Variants in SFMBT1 observed in about 807,000 individuals in gnomAD.
SFMBT1 encodes Scm like with four mbt domains 1.
In SFMBT1, 32 loss-of-function variants were observed where a neutral mutation model predicts 108.7. The observed-to-expected ratio is 0.29, with a 90% CI of 0.22 to 0.40. The LOEUF (loss-of-function observed/expected upper bound fraction) is 0.40. Among genes scored for constraint, SFMBT1 ranks in the 10% least tolerant of loss-of-function variants. The probability of loss-of-function intolerance (pLI) is 1.00; values close to 1 mark genes in which losing one functional copy is unlikely to be tolerated. For missense variants in SFMBT1, 816 were observed against 1,059.6 expected (o/e 0.77, Z 3.19); for synonymous variants, 348 against 369.5 (o/e 0.94, Z 0.67).
Position 53,013,196 on chromosome 3 carries a change from C to T in SFMBT1, c.-131+32620G>A, listed in dbSNP as rs561959289. Among the ~76,000 whole-genome samples, 113 of 151,684 alleles carry T rather than the reference C, an allele frequency of 7.4e-4. 6 individuals are homozygous for T. Among genetic ancestry groups the T allele is most frequent in the African/African-American group, 2.7e-3 (110 of 40,998 alleles). On this transcript the variant is annotated intron_variant, in intron 1 of 20. Transcript: ENST00000394752. ...TTTCATCAATATTTCCAGTGATGGG[C>T]TCTAAGTTGAGATAGTACAATTCAT...
At chr3:52,929,709 C>T (rs1038830673) in intron 8 of SFMBT1, among the ~76,000 whole-genome samples, 1 of 152,220 alleles carries the variant, frequency 6.6e-6, no homozygotes, top group Non-Finnish European at 1.5e-5. Flanking sequence ...ATTTAGCACC[C>T]AGGCAACTAT....
At chr3:52,931,334 T>C (rs1041142106) in intron 6 of SFMBT1, among the ~76,000 whole-genome samples, 2 of 152,280 alleles carry the variant, frequency 1.3e-5, no homozygotes, top group Middle Eastern at 3.4e-3. Flanking sequence ...TAAATGCAAA[T>C]TGATTTAAAC....
intron 10 of SFMBT1, among the ~76,000 whole-genome samples, 190 bp from the exon 11 acceptor site, chr3:52,922,021 G>A (rs1702534580): frequency 6.6e-6 from 1 of 152,164 alleles, no homozygotes; most frequent in Non-Finnish European, 1.5e-5. Context: ...GAAGTATACA[G>A]GAAGTACACT....
intron 3 of SFMBT1, among the ~76,000 whole-genome samples, chr3:52,949,418 G>C (rs6445550): frequency 4.0e-5 from 6 of 151,800 alleles, no homozygotes; most frequent in Non-Finnish European, 7.4e-5. Context: ...TGAATTTCCC[G>C]ACTAATAATA....
At chr3:52,915,773 C>T (rs1222566970) in intron 14 of SFMBT1, among the ~76,000 whole-genome samples, 2 of 152,014 alleles carry the variant, frequency 1.3e-5, no homozygotes, top group African/African-American at 4.8e-5. Flanking sequence ...ACAAAGTATG[C>T]ATATCATAAA....
At chr3:52,954,034 A>T (rs914680401) in intron 3 of SFMBT1, among the ~76,000 whole-genome samples, 1 of 152,168 alleles carries the variant, frequency 6.6e-6, no homozygotes, top group Non-Finnish European at 1.5e-5. Flanking sequence ...CTGAGGCAGG[A>T]GAATGGCGTG....
chr3:52,930,346 G>A lies in SFMBT1; in HGVS notation c.880C>T (p.Pro294Ser), dbSNP rs761123540. The A allele has an allele frequency of 1.2e-6, 2 of 1,603,570 alleles. No homozygotes were observed. Among genetic ancestry groups the A allele is most frequent in the Admixed American group, 1.7e-5 (1 of 60,022 alleles). Residue 294 changes from proline to serine, a missense_variant, in exon 8 of 21, where the codon CCT (proline) becomes TCT (serine). Pro to Ser is a moderately conservative substitution (Grantham distance 74, BLOSUM62 -1). Coordinates refer to ENST00000394752, the MANE Select transcript of SFMBT1 (RefSeq NM_016329.4). The stretch of plus-strand genomic sequence containing the variant: ...CATTTTACCTTAACAACTGTAGCAG[G>A]AGAGATCCCAAAAGGAGACCAGGGG... The part of the protein sequence containing the change: ...VDPWSPFGIS[P>S]ATVVKVFDEK...
In SFMBT1 at chr3:52,926,040, G is replaced by A. The variant is rs1702647957; in HGVS notation, c.1122C>T (p.Cys374=). The change falls in exon 10 of 21, where the codon TGC becomes TGT. Residue 374 remains cysteine (C), a synonymous_variant. Transcript: ENST00000394752. The part of the protein sequence containing the change: ...QCGAEAAPQR[C]FPPLISEHEF... ...CCGTGGGGGTCCTCACCGGAGGGAA[G>A]CACCTCTGGGGAGCAGCTTCAGCAC... is the stretch of plus-strand genomic sequence containing the variant. 1 of 1,606,084 alleles carries A rather than the reference G, an allele frequency of 6.2e-7. No homozygotes were observed. The highest frequency in any genetic ancestry group is 1.3e-5 in the African/African-American group (1 of 74,346).
At chr3:53,020,057 A>G (rs1401279410) in intron 1 of SFMBT1, among the ~76,000 whole-genome samples, 1 of 151,988 alleles carries the variant, frequency 6.6e-6, no homozygotes, top group Non-Finnish European at 1.5e-5. Flanking sequence ...GTCTAAAACC[A>G]GTACATAAAG....
intron 1 of SFMBT1, chr3:53,019,185 T>C (rs112299677): frequency 1.3e-5 from 2 of 152,214 alleles, no homozygotes; most frequent in African/African-American, 4.8e-5. Context: ...CCCCAGCTAC[T>C]GGGGAGGCTG....
chr3:53,039,875 C>T (rs1388428087), intron 1 of SFMBT1, among the ~76,000 whole-genome samples: 5 of 152,124 alleles, frequency 3.3e-5, no homozygotes, highest in Non-Finnish European at 7.4e-5. Context: ...AGGTTTGTTA[C>T]ATATAAACAT....
intron 18 of SFMBT1, 103 bp downstream of exon 18, chr3:52,907,452 C>T: frequency 6.6e-7 from 1 of 1,520,154 alleles, no homozygotes; most frequent in Non-Finnish European, 8.8e-7. Flanking sequence ...CTTCTATTGG[C>T]CAGAGATCTG....
At chr3:53,001,560 C>G (rs1230263985) in intron 1 of SFMBT1, among the ~76,000 whole-genome samples, 1 of 149,760 alleles carries the variant, frequency 6.7e-6, no homozygotes, top group Non-Finnish European at 1.5e-5. Context: ...ACTGTGCTCC[C>G]ACCAGCAAGC....
chr3:52,928,575 TATATATACATATATAC>T (rs1194103259), intron 8 of SFMBT1: 2 of 190,580 alleles, frequency 1.0e-5, no homozygotes, highest in South Asian at 7.9e-5. Flanking sequence ...TACATATACA[TATATATACATATATAC>T]ATATATATAC....
At chr3:52,954,041 C>T (rs1330264251) in intron 3 of SFMBT1, among the ~76,000 whole-genome samples, 2 of 151,958 alleles carry the variant, frequency 1.3e-5, no homozygotes, top group East Asian at 1.9e-4. Flanking sequence ...AGGAGAATGG[C>T]GTGAACCCGG....
chr3:52,999,769 T>G (rs1451811240), intron 1 of SFMBT1, among the ~76,000 whole-genome samples: 1 of 150,088 alleles, frequency 6.7e-6, no homozygotes, highest in Non-Finnish European at 1.5e-5. Flanking sequence ...GGAGGCACAA[T>G]GAGTGCCCAT....
At chr3:52,991,636 G>A (rs999471696) in intron 1 of SFMBT1, among the ~76,000 whole-genome samples, 2 of 152,032 alleles carry the variant, frequency 1.3e-5, no homozygotes, top group Non-Finnish European at 2.9e-5. Flanking sequence ...GAGCCACCTC[G>A]CCCAGCCTGC....
intron 1 of SFMBT1, among the ~76,000 whole-genome samples, chr3:52,988,483 G>A (rs1351096948): frequency 6.6e-6 from 1 of 152,132 alleles, no homozygotes; most frequent in Non-Finnish European, 1.5e-5. Context: ...TGCTGCGAGG[G>A]TATCCTCGGG....
intron 2 of SFMBT1, among the ~76,000 whole-genome samples, chr3:52,963,160 A>G (rs1704021365): frequency 6.6e-6 from 1 of 151,140 alleles, no homozygotes; most frequent in Non-Finnish European, 1.5e-5. Flanking sequence ...TGCCCAGCTG[A>G]TTTTTTGTAT....
Sources: gnomAD v4.1 joint callset for allele counts (sites outside exome capture counted in the v4.1 genomes callset) on GRCh38, gnomAD v4.1.1 for gene constraint, MANE v1.5 for transcripts, NCBI Gene and HGNC (gene_info 2026-07-23, HGNC 2026-07-21) for gene names.